The following DLGAP2 variants were observed in gnomAD, a reference collection of about 807,000 sequenced individuals.
The protein encoded by DLGAP2 is disks large-associated protein 2.
DLGAP2 carries 26 observed loss-of-function variants against 100.3 expected under a neutral mutation model. The observed-to-expected ratio is 0.26, with a 90% confidence interval of 0.19 to 0.36. DLGAP2 has a LOEUF of 0.36. Ranked by LOEUF, DLGAP2 falls within the 10% of genes least tolerant of loss-of-function variation. The pLI is 1.00. For synonymous variants in DLGAP2, 886 were observed against 630.1 expected (o/e 1.41, Z -6.08); for missense variants, 1,858 against 1,453.2 (o/e 1.28, Z -4.53).
At chr8:1,455,163 T>C (rs740245) in intron 3 of DLGAP2, among the ~76,000 whole-genome samples, 76,493 of 152,152 alleles carry the variant, frequency 0.5, 19,789 homozygotes, top group East Asian at 0.84. Context: ...AGAGCCCGTC[T>C]AAAGCCCAGA....
At chr8:1,179,651 T>C (rs893219905) in intron 2 of DLGAP2, among the ~76,000 whole-genome samples, 2 of 152,258 alleles carry the variant, frequency 1.3e-5, no homozygotes, top group African/African-American at 4.8e-5. Context: ...CTATGTGTAT[T>C]GCAATCCTAA....
chr8:1,674,377 T>G (rs775251267), intron 10 of DLGAP2, among the ~76,000 whole-genome samples: 3 of 152,170 alleles, frequency 2.0e-5, no homozygotes, highest in Non-Finnish European at 2.9e-5. Flanking sequence ...GTATTCCGTG[T>G]CACAAGTAAA....
At chr8:1,651,008 C>G (rs1374838383) in intron 8 of DLGAP2, among the ~76,000 whole-genome samples, 1 of 152,108 alleles carries the variant, frequency 6.6e-6, no homozygotes, top group Non-Finnish European at 1.5e-5. Context: ...CATCTACCAC[C>G]AAGAAAACCC....
At chr8:890,672 G>A (rs1394082879) in intron 1 of DLGAP2, among the ~76,000 whole-genome samples, 1 of 151,820 alleles carries the variant, frequency 6.6e-6, no homozygotes, top group Non-Finnish European at 1.5e-5. Flanking sequence ...CCCACCCGGT[G>A]CCACCAGCAG....
chr8:1,514,963 G>C (rs1042008189), intron 4 of DLGAP2, among the ~76,000 whole-genome samples: 1 of 152,068 alleles, frequency 6.6e-6, no homozygotes, highest in Non-Finnish European at 1.5e-5. Context: ...GGAGACCGAC[G>C]TGCAGGGACA....
chr8:1,064,430 T>C (rs968796369), intron 2 of DLGAP2, among the ~76,000 whole-genome samples: 1 of 152,212 alleles, frequency 6.6e-6, no homozygotes, highest in Non-Finnish European at 1.5e-5. Flanking sequence ...GATGGATATA[T>C]AACAAATGTG....
intron 3 of DLGAP2, among the ~76,000 whole-genome samples, chr8:1,424,520 G>A (rs571849891): frequency 1.3e-4 from 20 of 152,368 alleles, no homozygotes; most frequent in African/African-American, 3.1e-4. Context: ...CACATCCTAC[G>A]ACTTGGGTGA....
intron 3 of DLGAP2, among the ~76,000 whole-genome samples, chr8:1,425,356 A>G (rs1584886922): frequency 6.6e-6 from 1 of 152,214 alleles, no homozygotes; most frequent in Non-Finnish European, 1.5e-5. Context: ...GTTAACATCT[A>G]GCATCTTCCC....
chr8:1,641,916 C>A (rs371708833), intron 8 of DLGAP2, among the ~76,000 whole-genome samples: 8 of 87,652 alleles, frequency 9.1e-5, no homozygotes, highest in South Asian at 9.3e-4. Flanking sequence ...ACCCCGCCGG[C>A]CCTCACCTGT....
At chr8:1,557,388 G>A (rs1044241318) in intron 5 of DLGAP2, among the ~76,000 whole-genome samples, 3 of 152,140 alleles carry the variant, frequency 2.0e-5, no homozygotes, top group African/African-American at 7.2e-5. Flanking sequence ...TGGACGTGCC[G>A]ATGGCCACGG....
At chr8:1,463,964 A>C (rs1329957633) in intron 3 of DLGAP2, among the ~76,000 whole-genome samples, 1 of 152,248 alleles carries the variant, frequency 6.6e-6, no homozygotes, top group Admixed American at 6.5e-5. Context: ...GAAAAATATC[A>C]GGCACATAAC....
chr8:823,598 C>T (rs1221671727), intron 1 of DLGAP2, among the ~76,000 whole-genome samples: 4 of 152,110 alleles, frequency 2.6e-5, no homozygotes, highest in Non-Finnish European at 4.4e-5. Context: ...CCCCCAAGAG[C>T]TCTGCACAGA....
intron 2 of DLGAP2, among the ~76,000 whole-genome samples, chr8:1,135,291 C>A (rs1006969315): frequency 6.6e-6 from 1 of 152,110 alleles, no homozygotes; most frequent in Non-Finnish European, 1.5e-5. Context: ...TCCCCAAATC[C>A]ATTTTCAAGA....
intron 2 of DLGAP2, among the ~76,000 whole-genome samples, chr8:1,218,315 G>T (rs1043865302): frequency 1.3e-5 from 2 of 152,280 alleles, no homozygotes; most frequent in East Asian, 1.9e-4. Flanking sequence ...TGGGTAGCCA[G>T]CTATTCCAGC....
chr8:1,357,717 G>A (rs538814344), intron 3 of DLGAP2, among the ~76,000 whole-genome samples: 7 of 152,272 alleles, frequency 4.6e-5, no homozygotes, highest in South Asian at 2.1e-4. Flanking sequence ...GCTGCGATAC[G>A]CAGCACCACA....
intron 2 of DLGAP2, among the ~76,000 whole-genome samples, chr8:955,176 T>C (rs1167314762): frequency 6.6e-6 from 1 of 151,992 alleles, no homozygotes; most frequent in African/African-American, 2.4e-5. Flanking sequence ...AGCTCACCCG[T>C]GTATGCTGTA....
intron 6 of DLGAP2, among the ~76,000 whole-genome samples, chr8:1,571,734 G>A (rs1430225587): frequency 1.5e-5 from 2 of 137,768 alleles, no homozygotes; most frequent in African/African-American, 2.8e-5. Flanking sequence ...CGTCTGATGA[G>A]ATGGAGAGGA....
At chr8:986,791 C>G (rs1218131497) in intron 2 of DLGAP2, among the ~76,000 whole-genome samples, 1 of 151,886 alleles carries the variant, frequency 6.6e-6, no homozygotes, top group Non-Finnish European at 1.5e-5. Flanking sequence ...TCCCAAGTAG[C>G]CAGGATTATA....
intron 6 of DLGAP2, among the ~76,000 whole-genome samples, chr8:1,615,318 G>A (rs1201745021): frequency 7.9e-5 from 12 of 152,240 alleles, no homozygotes; most frequent in African/African-American, 2.4e-4. Flanking sequence ...AAGGAGGATC[G>A]GCCACAACCA....
Sources: gnomAD v4.1 joint callset for allele counts (sites outside exome capture counted in the v4.1 genomes callset) on GRCh38, gnomAD v4.1.1 for gene constraint, MANE v1.5 for transcripts, NCBI Gene and HGNC (gene_info 2026-07-23, HGNC 2026-07-21) for gene names.